NCKAP1: variants seen among roughly 807,000 people sequenced by gnomAD.
NCKAP1 encodes the protein nck-associated protein 1.
In NCKAP1, 21 loss-of-function variants were observed where a neutral mutation model predicts 151.2. That is an observed-to-expected ratio of 0.14 (90% CI 0.10 to 0.20). The LOEUF (loss-of-function observed/expected upper bound fraction) is 0.20, where lower values mean the gene tolerates loss of function less well. Ranked by LOEUF, NCKAP1 falls within the 10% of genes least tolerant of loss-of-function variation. The pLI is 1.00. For synonymous variants in NCKAP1, 484 were observed against 451.8 expected, an observed-to-expected ratio of 1.07 and a Z score of -0.90; for missense variants, 933 against 1,352.1, an observed-to-expected ratio of 0.69 and a Z score of 4.86.
chr2:182,927,874 G>A (rs961413537), intron 29 of NCKAP1, among the ~76,000 whole-genome samples: 2 of 151,806 alleles, frequency 1.3e-5, no homozygotes, highest in African/African-American at 4.8e-5. Flanking sequence ...GGAAATAACG[G>A]ACGGCTCCTC....
At chr2:182,987,554 C>T (rs73046235) in intron 9 of NCKAP1, among the ~76,000 whole-genome samples, 8,319 of 152,050 alleles carry the variant, frequency 0.055, 772 homozygotes, top group African/African-American at 0.19. Context: ...TTCACTATGC[C>T]ATTAAATTTA....
chr2:182,924,955 T>C lies in NCKAP1; in HGVS notation c.*747A>G, dbSNP rs1208900254. 6.6e-6 allele frequency: 1 copy of C among 152,128 alleles called. No individual in the cohort carries two copies. The highest frequency in any genetic ancestry group is 2.4e-5 in the African/African-American group (1 of 41,446). 9.4% of individuals were successfully genotyped at this position (152,128 alleles called of 1,614,324 possible). ...TTGAATTTCAAAAATTTAAAACATA[T>C]ATAAAAAGTGGTTAGGGACTAACAT... On this transcript the variant is annotated 3_prime_UTR_variant, in exon 31 of 31. Transcript: ENST00000361354.
At chr2:182,965,005 A>G (rs1456634284) in intron 16 of NCKAP1, among the ~76,000 whole-genome samples, 197 bp from the exon 17 acceptor site, 1 of 152,188 alleles carries the variant, frequency 6.6e-6, no homozygotes, top group African/African-American at 2.4e-5. Context: ...TTATATAACA[A>G]TAACAACATT....
chr2:183,023,622 T>A (rs2105894275), intron 2 of NCKAP1, among the ~76,000 whole-genome samples, 184 bp downstream of exon 2: 1 of 152,270 alleles, frequency 6.6e-6, no homozygotes, highest in Non-Finnish European at 1.5e-5. Flanking sequence ...GCAATGTCGT[T>A]AAGAGTTATT....
chr2:183,001,969 A>G lies in NCKAP1; in HGVS notation c.587T>C (p.Phe196Ser). 1 of 1,613,692 alleles carries G rather than the reference A, an allele frequency of 6.2e-7. No individual in the cohort carries two copies. Among genetic ancestry groups the G allele is most frequent in the African/African-American group, 1.3e-5 (1 of 75,006 alleles). Reference sequence around the variant, plus strand: ...GCCTCTTACCTTGCTATGGGGTACAAATTCTTCCATCATCTTCTTTAAAGG... The same window carrying G: ...GCCTCTTACCTTGCTATGGGGTACAGATTCTTCCATCATCTTCTTTAAAGG... ...ENPLKKMMEE[F>S]VPHSKSLSDA... Residue 196 changes from phenylalanine (F) to serine (S), a missense_variant, in exon 6 of 31, where the codon TTT becomes TCT. This residue lies in a region of NCKAP1 where 607 missense variants were observed against 795.0 expected (regional missense o/e 0.76). Coordinates refer to ENST00000361354, the MANE Select transcript of NCKAP1 (RefSeq NM_013436.5).
At chr2:183,029,024 G>C (rs888559396) in intron 1 of NCKAP1, among the ~76,000 whole-genome samples, 4 of 151,978 alleles carry the variant, frequency 2.6e-5, no homozygotes, top group Non-Finnish European at 5.9e-5. Flanking sequence ...GGCTGAGGCA[G>C]GAGAATCGCT....
chr2:182,926,344 TC>T (rs1696647128), intron 30 of NCKAP1, among the ~76,000 whole-genome samples: 2 of 152,058 alleles, frequency 1.3e-5, no homozygotes, highest in Admixed American at 1.3e-4. Context: ...AAATCCAATT[TC>T]TGCAGGTAAG....
intron 23 of NCKAP1, among the ~76,000 whole-genome samples, chr2:182,945,693 G>A (rs1697089827): frequency 6.6e-6 from 1 of 152,190 alleles, no homozygotes; most frequent in Non-Finnish European, 1.5e-5. Context: ...AATGCTTTAT[G>A]CACTGCTGAT....
Position 183,038,375 on chromosome 2 carries a change from C to A in NCKAP1, c.-276G>T. 3.6e-6 allele frequency: 1 copy of A among 280,576 alleles called. No homozygotes were observed. Among genetic ancestry groups the A allele is most frequent in the Non-Finnish European group, 6.5e-6 (1 of 153,558 alleles). The allele number at this position is 280,576 out of a possible 1,614,324, so 17.4% of individuals were successfully genotyped here. On this transcript the variant is annotated 5_prime_UTR_variant, in exon 1 of 31. Transcript: ENST00000361354. ...CCCCCACCCCCGGCGCTCTCCGCCC[C>A]AGCCCCCAACGAGCCGCCTTCCCCG...
chr2:183,009,041 T>C (rs758687603), intron 2 of NCKAP1, among the ~76,000 whole-genome samples: 1 of 152,126 alleles, frequency 6.6e-6, no homozygotes, highest in Non-Finnish European at 1.5e-5. Context: ...ATTTCAAAAA[T>C]GCATTTTTCT....
chr2:182,959,743 T>C (rs566079375), intron 18 of NCKAP1, among the ~76,000 whole-genome samples: 1 of 152,250 alleles, frequency 6.6e-6, no homozygotes, highest in East Asian at 1.9e-4. Context: ...GCCAGGGCAA[T>C]CAGGCAGGAG....
chr2:182,978,860 G>C lies in NCKAP1; in HGVS notation c.1397C>G (p.Thr466Ser), dbSNP rs1223826128. Residue 466 changes from threonine (T) to serine (S), a missense_variant, in exon 14 of 31, where the codon ACT becomes AGT. Physicochemically the swap from Thr to Ser is moderately conservative, Grantham distance 58. Transcript: ENST00000361354. Reference sequence around the variant, plus strand: ...TTGTTTTACACTTAGGGAAGTCATAGTGTTAACAAAAGAGGACATGATGAT... The same window carrying C: ...TTGTTTTACACTTAGGGAAGTCATACTGTTAACAAAAGAGGACATGATGAT... ...ESIIMSSFVN[T>S]MTSLSVKQVE... 6.2e-7 allele frequency: 1 copy of C among 1,603,862 alleles called. No individual in the cohort carries two copies.
chr2:182,998,590 G>T (rs913051417), intron 6 of NCKAP1, among the ~76,000 whole-genome samples: 1 of 151,992 alleles, frequency 6.6e-6, no homozygotes, highest in African/African-American at 2.4e-5. Flanking sequence ...AGCACTTTGG[G>T]AGGCCAAGGC....
intron 24 of NCKAP1, among the ~76,000 whole-genome samples, chr2:182,939,093 T>C (rs1471235799): frequency 1.3e-5 from 2 of 152,182 alleles, no homozygotes; most frequent in Non-Finnish European, 2.9e-5. Context: ...AAAAAATTGC[T>C]GTAGGAAAAC....
chr2:183,022,425 A>G (rs1324159833), intron 2 of NCKAP1, among the ~76,000 whole-genome samples: 2 of 152,244 alleles, frequency 1.3e-5, no homozygotes, highest in Non-Finnish European at 2.9e-5. Flanking sequence ...TAAGAAGTGC[A>G]AGTTTTGAAT....
chr2:183,001,631 T>C (rs1250037111), intron 6 of NCKAP1, among the ~76,000 whole-genome samples: 1 of 152,198 alleles, frequency 6.6e-6, no homozygotes, highest in African/African-American at 2.4e-5. Flanking sequence ...AATATTATAC[T>C]ATAATTTGCA....
At chr2:182,942,004 A>G in intron 24 of NCKAP1, 66 bp downstream of exon 24, 2 of 1,290,076 alleles carry the variant, frequency 1.6e-6, no homozygotes, top group South Asian at 2.8e-5. Context: ...ACAAATTTTG[A>G]GCCAAAGCTA....
intron 15 of NCKAP1, among the ~76,000 whole-genome samples, chr2:182,971,392 T>TTAA (rs1559087515): frequency 1.6e-5 from 1 of 63,582 alleles, no homozygotes; most frequent in African/African-American, 6.0e-5. Flanking sequence ...AGACTCCGTC[T>TTAA]CAAAAAAAAA....
chr2:182,967,287 T>C lies in NCKAP1; in HGVS notation c.1557A>G (p.Ile519Met). 1 of 1,611,852 alleles carries C rather than the reference T, an allele frequency of 6.2e-7. No individual in the cohort carries two copies. Among genetic ancestry groups the C allele is most frequent in the Non-Finnish European group, 8.5e-7 (1 of 1,178,570 alleles). The change falls in exon 16 of 31, where the codon ATA becomes ATG. Residue 519 changes from isoleucine to methionine, a missense_variant. Physicochemically the swap from Ile to Met is conservative, Grantham distance 10 (BLOSUM62 1). Coordinates refer to ENST00000361354, the MANE Select transcript of NCKAP1 (RefSeq NM_013436.5). ...HRELGKMMNT[I>M]IFHTKMVDSL... is the part of the protein sequence containing the mutation. ...AATCTACCATTTTTGTATGAAAAAT[T>C]ATTGTATTCATCATCTTTCCAAGTT...
Sources: allele counts gnomAD v4.1 joint callset (sites outside exome capture counted in the v4.1 genomes callset), GRCh38; gene constraint gnomAD v4.1.1; regional missense constraint gnomAD v4.1.1; transcripts MANE v1.5; gene names NCBI Gene and HGNC (gene_info 2026-07-23, HGNC 2026-07-21).